ABCA13: variants seen among roughly 807,000 people sequenced by gnomAD.
ABCA13 encodes ATP-binding cassette sub-family A member 13.
Under a neutral mutation model 478.7 loss-of-function variants are expected in ABCA13, and 476 were observed. The observed-to-expected ratio is 0.99, with a 90% CI of 0.92 to 1.07. The LOEUF is 1.07. ABCA13 is among the 50% of genes least tolerant of loss of function. The pLI is 0.00. For synonymous variants in ABCA13, 2,252 were observed against 2,158.9 expected (o/e 1.04, Z -1.20); for missense variants, 6,060 against 5,910.6 (o/e 1.03, Z -0.83).
intron 45 of ABCA13, 125 bp downstream of exon 45, chr7:48,471,724 T>A: frequency 9.1e-6 from 8 of 881,858 alleles, no homozygotes; most frequent in Non-Finnish European, 1.4e-5. Flanking sequence ...TTTCCTGGAT[T>A]AGCTGTTTCT....
At chr7:48,249,461 T>C in intron 15 of ABCA13, 110 bp downstream of exon 15, 1 of 1,419,702 alleles carries the variant, frequency 7.0e-7, no homozygotes. Flanking sequence ...TTAAAATGGG[T>C]GGCTCTCCAA....
intron 58 of ABCA13, among the ~76,000 whole-genome samples, chr7:48,599,027 T>C (rs894524943): frequency 6.6e-6 from 1 of 152,044 alleles, no homozygotes; most frequent in Non-Finnish European, 1.5e-5. Context: ...TTATTATCCA[T>C]TGATATGTAT....
At chr7:48,324,419 T>A (rs1351603730) in intron 27 of ABCA13, among the ~76,000 whole-genome samples, 1 of 152,186 alleles carries the variant, frequency 6.6e-6, no homozygotes, top group African/African-American at 2.4e-5. Flanking sequence ...CAAGGCCACA[T>A]TCTGAAATAT....
At position 48,376,444 on chromosome 7, in the gene ABCA13, T is replaced by C. The variant is rs753003725; in HGVS notation, c.11207T>C (p.Ile3736Thr). The C allele has an allele frequency of 3.7e-6, 6 of 1,613,084 alleles. No homozygotes were observed. In the East Asian group the frequency reaches 1.3e-4, roughly 36 times the overall value. The stretch of plus-strand genomic sequence containing the variant: ...CTGACCTTTTTCTTCCTGCTAGGGA[T>C]TCAATGGAATAATATGTACCAGGCT... ...ITFLEGQETG[I>T]QWNNMYQALE... The change falls in exon 35 of 62, where the codon ATT (isoleucine) becomes ACT (threonine). Residue 3736 changes from isoleucine to threonine, a missense_variant. Ile to Thr is a moderately conservative substitution (Grantham distance 89). This residue lies in a region of ABCA13 where 4,423 missense variants were observed against 4,309.1 expected (regional missense o/e 1.03). Coordinates refer to ENST00000435803, the MANE Select transcript of ABCA13 (RefSeq NM_152701.5).
intron 38 of ABCA13, among the ~76,000 whole-genome samples, chr7:48,397,555 G>C (rs1020623040): frequency 1.3e-5 from 2 of 151,974 alleles, no homozygotes; most frequent in Non-Finnish European, 2.9e-5. Flanking sequence ...GGAAAACCAT[G>C]CTCACATTAC....
At chr7:48,267,763 C>T (rs1336860894) in intron 15 of ABCA13, among the ~76,000 whole-genome samples, 1 of 152,134 alleles carries the variant, frequency 6.6e-6, no homozygotes, top group Non-Finnish European at 1.5e-5. Flanking sequence ...ATCATTCAAA[C>T]TGCTGTCATT....
chr7:48,619,534 C>T (rs6976938), intron 59 of ABCA13, among the ~76,000 whole-genome samples: 2 of 152,122 alleles, frequency 1.3e-5, no homozygotes, highest in East Asian at 3.9e-4. Context: ...CCAGCAAGGG[C>T]ATGCAGAGGT....
rs1554531471 is a variant in ABCA13, at chr7:48,478,310, T to TATATATATATATATATAA, written c.12976-2725_12976-2724insTATATATATATATATAAA. Among the ~76,000 whole-genome samples the TATATATATATATATATAA allele has an allele frequency of 3.4e-5, 5 of 146,314 alleles. No individual in the cohort carries two copies. In the East Asian group the frequency reaches 7.9e-4, roughly 23 times the overall value. The stretch of plus-strand genomic sequence containing the variant: ...ATATCATTTTATATATATATATATA[T>TATATATATATATATATAA]AATCACACACACCCATTATGGAAAG... On this transcript the variant is annotated intron_variant, in intron 45 of 61. Coordinates refer to ENST00000435803, the MANE Select transcript of ABCA13 (RefSeq NM_152701.5).
In ABCA13 at chr7:48,403,861, C is replaced by G; in HGVS notation, c.12052C>G (p.Leu4018Val). 6.2e-7 allele frequency: 1 copy of G among 1,613,394 alleles called. No homozygotes were observed. Among genetic ancestry groups the G allele is most frequent in the Non-Finnish European group, 8.5e-7 (1 of 1,179,610 alleles). ...PCSRHSLWDI[L>V]LKYREGRTII... The stretch of plus-strand genomic sequence containing the variant: ...CTCCCGGCATAGCCTGTGGGACATT[C>G]TGCTCAAGTACCGAGAAGGTAGGCA... The change falls in exon 39 of 62, where the codon CTG becomes GTG. Residue 4018 changes from leucine to valine, a missense_variant. Transcript: ENST00000435803.
At chr7:48,602,630 T>TACCATACCAAACTATACC (rs1791027065) in intron 58 of ABCA13, among the ~76,000 whole-genome samples, 1 of 152,182 alleles carries the variant, frequency 6.6e-6, no homozygotes, top group Non-Finnish European at 1.5e-5. Context: ...ACCATAGCTT[T>TACCATACCAAACTATACC]GTAGTATAGT....
chr7:48,535,178 G>A (rs1465015605), intron 55 of ABCA13, among the ~76,000 whole-genome samples: 1 of 152,152 alleles, frequency 6.6e-6, no homozygotes, highest in East Asian at 1.9e-4. Flanking sequence ...CTGCTGTTTA[G>A]ATTCTTTTGT....
chr7:48,386,614 C>G (rs1309358062), intron 35 of ABCA13, among the ~76,000 whole-genome samples: 1 of 151,990 alleles, frequency 6.6e-6, no homozygotes, highest in Non-Finnish European at 1.5e-5. Flanking sequence ...TTCAACAAAC[C>G]TAAAAAACAA....
intron 55 of ABCA13, among the ~76,000 whole-genome samples, chr7:48,563,438 TCC>T (rs1786671041): frequency 6.6e-6 from 1 of 152,100 alleles, no homozygotes; most frequent in African/African-American, 2.4e-5. Context: ...CCCTTGCTCC[TCC>T]CATGATGAGG....
At chr7:48,386,258 C>T (rs750342613) in intron 35 of ABCA13, among the ~76,000 whole-genome samples, 11 of 152,254 alleles carry the variant, frequency 7.2e-5, no homozygotes, top group Middle Eastern at 3.4e-3. Flanking sequence ...AAATGGAAAA[C>T]GTTTCATGCT....
At chr7:48,298,523 T>G in intron 23 of ABCA13, 36 bp downstream of exon 23, 2 of 1,599,140 alleles carry the variant, frequency 1.3e-6, no homozygotes, top group Non-Finnish European at 1.7e-6. Context: ...GTTTTGCTCA[T>G]GGAAGGAGCC....
chr7:48,249,901 G>A (rs1038774842), intron 15 of ABCA13, among the ~76,000 whole-genome samples: 10 of 150,370 alleles, frequency 6.7e-5, no homozygotes, highest in Non-Finnish European at 1.2e-4. Context: ...TTCAATTCTC[G>A]CACTGTCTGC....
chr7:48,402,943 T>C (rs1585169309), intron 38 of ABCA13, among the ~76,000 whole-genome samples: 2 of 152,246 alleles, frequency 1.3e-5, no homozygotes, highest in Admixed American at 1.3e-4. Context: ...ATGAGTAAGA[T>C]GGTAAATAGG....
At position 48,295,876 on chromosome 7, in the gene ABCA13, A is replaced by G. The variant is rs1342803866; in HGVS notation, c.9119+13A>G. 9.4e-6 allele frequency: 15 copies of G among 1,590,408 alleles called. No individual in the cohort carries two copies. The highest frequency in any genetic ancestry group is 1.1e-5 in the Non-Finnish European group (13 of 1,167,462). On this transcript the variant is annotated intron_variant, in intron 21 of 61. Coordinates refer to ENST00000435803, the MANE Select transcript of ABCA13 (RefSeq NM_152701.5). ...AGCACTTGTACATGTATGCTCTGAT[A>G]TTCTTTCATGCCCTCCCCAGTACTT...
chr7:48,587,144 T>C lies in ABCA13; in HGVS notation c.14506-10T>C. On this transcript the variant is annotated splice_polypyrimidine_tract_variant and intron_variant, in intron 56 of 61. Transcript: ENST00000435803. ...ATGCTGGTGTGCACATGGACATGCC[T>C]CTCTTCCAGGTTGCTGGAGACCTCA... The C allele has an allele frequency of 6.2e-7, 1 of 1,612,996 alleles. No individual in the cohort carries two copies. The highest frequency in any genetic ancestry group is 8.5e-7 in the Non-Finnish European group (1 of 1,179,534).
Sources: gnomAD v4.1 joint callset for allele counts (sites outside exome capture counted in the v4.1 genomes callset) on GRCh38, gnomAD v4.1.1 for gene constraint, gnomAD v4.1.1 regional missense constraint, MANE v1.5 for transcripts, NCBI Gene and HGNC (gene_info 2026-07-23, HGNC 2026-07-21) for gene names.